The following GCSAML variants were observed in gnomAD, a reference collection of about 807,000 sequenced individuals.
The protein encoded by GCSAML is germinal center associated signaling and motility like.
Under a neutral mutation model 13.0 loss-of-function variants are expected in GCSAML, and 9 were observed. The ratio of observed to expected loss-of-function variants is 0.69; its 90% CI spans 0.42 to 1.21. GCSAML has a LOEUF of 1.21. GCSAML is among the 50% of genes most tolerant of loss of function. GCSAML has a pLI of 0.00. For missense variants in GCSAML, 143 were observed against 153.4 expected (o/e 0.93, Z 0.36); for synonymous variants, 37 against 52.9 (o/e 0.70, Z 1.31).
rs149639992 is a variant in GCSAML, at chr1:247,532,427, A to C, written c.-148+5373A>C. The C allele has an allele frequency of 5.0e-4, 808 of 1,614,106 alleles. 8 individuals carry two copies. The highest frequency in any genetic ancestry group is 4.0e-3 in the Middle Eastern group (24 of 6,062). On this transcript the variant is annotated intron_variant, in intron 2 of 5. Coordinates refer to the GCSAML transcript ENST00000366489. ...ATGTAAAAACTCAAGACAACTATGA[A>C]GAGGACAGTTTCTAGTGAGGGTCGT...
chr1:247,556,331 A>C, intron 1 of GCSAML, 76 bp from the exon 2 acceptor site: 1 of 1,048,802 alleles, frequency 9.5e-7, no homozygotes. Context: ...TTAATGGTCT[A>C]GAAAGTTAGA....
In GCSAML at chr1:247,539,154, T is replaced by C. The variant is rs377742799; in HGVS notation, c.-147-9891T>C. Reference sequence around the variant, plus strand: ...CAAATCAGTCTCCCTGAAAATGGGATTTTAGGGATATTTATGGGATAGAGG... The same window carrying C: ...CAAATCAGTCTCCCTGAAAATGGGACTTTAGGGATATTTATGGGATAGAGG... On this transcript the variant is annotated intron_variant, in intron 2 of 5. Coordinates refer to the GCSAML transcript ENST00000366489. Among the ~76,000 whole-genome samples, 6 of 152,190 alleles carry C rather than the reference T, an allele frequency of 3.9e-5. No individual in the cohort carries two copies. In the East Asian group the frequency reaches 1.2e-3, roughly 29 times the overall value.
intron 1 of GCSAML, among the ~76,000 whole-genome samples, chr1:247,514,361 T>C (rs913313761): frequency 1.3e-5 from 2 of 152,236 alleles, no homozygotes; most frequent in African/African-American, 4.8e-5. Flanking sequence ...TCTTTGTAGA[T>C]TTTAGATATT....
chr1:247,539,587 A>G (rs2103019293), intron 2 of GCSAML, among the ~76,000 whole-genome samples: 1 of 152,286 alleles, frequency 6.6e-6, no homozygotes, highest in Non-Finnish European at 1.5e-5. Flanking sequence ...ACTAGAAACA[A>G]GTGACCGACT....
At chr1:247,567,909 T>G (rs1381028255) in intron 4 of GCSAML, among the ~76,000 whole-genome samples, 1 of 152,210 alleles carries the variant, frequency 6.6e-6, no homozygotes, top group Non-Finnish European at 1.5e-5. Flanking sequence ...GTTTTGATTT[T>G]CATTTCTCTA....
At chr1:247,570,661 G>A (rs535415082) in intron 4 of GCSAML, among the ~76,000 whole-genome samples, 2 of 152,250 alleles carry the variant, frequency 1.3e-5, no homozygotes, top group East Asian at 1.9e-4. Flanking sequence ...GTGCTATTTC[G>A]TGCTGAGAAG....
intron 2 of GCSAML, among the ~76,000 whole-genome samples, chr1:247,557,952 T>C (rs1668009194): frequency 6.6e-6 from 1 of 152,128 alleles, no homozygotes; most frequent in Non-Finnish European, 1.5e-5. Flanking sequence ...TGTTTCATCA[T>C]GTCTAAAGTG....
At chr1:247,513,994 T>G (rs1666130156) in intron 1 of GCSAML, among the ~76,000 whole-genome samples, 2 of 152,064 alleles carry the variant, frequency 1.3e-5, no homozygotes, top group Non-Finnish European at 2.9e-5. Context: ...ACCGCCTTTT[T>G]TTTTTAAGAT....
rs1478158548 is a variant in GCSAML at position 247,551,410 on chromosome 1, G to T, written c.29+2190G>T. 2.0e-5 allele frequency among the ~76,000 whole-genome samples: 3 copies of T among 152,196 alleles called. No homozygotes were observed. The East Asian group carries it at 5.8e-4, about 29-fold the overall frequency. Reference sequence around the variant, plus strand: ...AGTAGCAGAAGAAGTTGAGAATGAAGCTGGGGGTCTGATAATGAAGGGCCT... The same window carrying T: ...AGTAGCAGAAGAAGTTGAGAATGAATCTGGGGGTCTGATAATGAAGGGCCT... On this transcript the variant is annotated intron_variant, in intron 1 of 4. Transcript: ENST00000366488.
chr1:247,528,547 A>G (rs1287366372), intron 2 of GCSAML: 1 of 152,204 alleles, frequency 6.6e-6, no homozygotes. Flanking sequence ...TTTACAAATG[A>G]ATCTGCATTA....
At chr1:247,560,107 T>A (rs1668072847) in intron 2 of GCSAML, among the ~76,000 whole-genome samples, 1 of 152,176 alleles carries the variant, frequency 6.6e-6, no homozygotes, top group South Asian at 2.1e-4. Context: ...ATTGTTCCAC[T>A]GTATTTAAGA....
At chr1:247,566,037 G>C in intron 4 of GCSAML, 78 bp downstream of exon 4, 2 of 968,346 alleles carry the variant, frequency 2.1e-6, no homozygotes, top group Non-Finnish European at 3.0e-6. Context: ...CCAAAATACA[G>C]ATGATTTATT....
At position 247,575,078 on chromosome 1, in the gene GCSAML, C is replaced by G. The variant is rs1668783751; in HGVS notation, c.*696C>G. 6.6e-6 allele frequency: 1 copy of G among 152,420 alleles called. No homozygotes were observed. The highest frequency in any genetic ancestry group is 1.5e-5 in the Non-Finnish European group (1 of 68,220). The allele number at this position is 152,420 out of a possible 1,614,324, so 9.4% of individuals were successfully genotyped here. A position where few individuals can be genotyped will look rare whatever the true frequency, so the allele number is the denominator to read the frequency against. ...ATTGCCAATCAGACAAACTTTGAAT[C>G]TACCTATGACCTGTAAGCTCTCTCC... On this transcript the variant is annotated 3_prime_UTR_variant, in exon 5 of 5. Transcript: ENST00000366488.
intron 1 of GCSAML, among the ~76,000 whole-genome samples, chr1:247,508,150 A>G (rs192592933): frequency 1.3e-5 from 2 of 152,202 alleles, no homozygotes; most frequent in Non-Finnish European, 2.9e-5. Flanking sequence ...AAGCATTCCT[A>G]TTTCTCCACA....
intron 1 of GCSAML, chr1:247,525,407 C>G (rs1220474104): frequency 1.5e-5 from 1 of 66,328 alleles, no homozygotes; most frequent in East Asian, 3.6e-3. Flanking sequence ...GTGTGTCTGA[C>G]CAGTCAATCA....
chr1:247,532,820 G>C (rs11582603), intron 2 of GCSAML, among the ~76,000 whole-genome samples: 7 of 151,796 alleles, frequency 4.6e-5, no homozygotes, highest in Non-Finnish European at 8.8e-5. Flanking sequence ...CTACGTGGAT[G>C]GCATTGCATT....
upstream of GCSAML, among the ~76,000 whole-genome samples, chr1:247,546,289 C>T (rs532642719): frequency 1.3e-5 from 2 of 152,296 alleles, no homozygotes; most frequent in African/African-American, 4.8e-5. Flanking sequence ...CCTCCTGCTT[C>T]AGCCTCCCAA....
chr1:247,542,960 A>G (rs955521500), intron 2 of GCSAML, among the ~76,000 whole-genome samples: 8 of 152,252 alleles, frequency 5.3e-5, no homozygotes, highest in Admixed American at 3.9e-4. Flanking sequence ...GGATCTGTGT[A>G]GAGCTGTAGA....
chr1:247,568,980 G>A (rs946304057), intron 4 of GCSAML, among the ~76,000 whole-genome samples: 27 of 132,414 alleles, frequency 2.0e-4, no homozygotes, highest in African/African-American at 6.6e-4. Flanking sequence ...TTGTGAATGG[G>A]AGTCCACTCA....
Sources: gnomAD v4.1 joint callset for allele counts (sites outside exome capture counted in the v4.1 genomes callset) on GRCh38, gnomAD v4.1.1 for gene constraint, MANE v1.5 for transcripts, NCBI Gene and HGNC (gene_info 2026-07-23, HGNC 2026-07-21) for gene names.